The following EXOC4 variants were observed in gnomAD, a reference collection of about 807,000 sequenced individuals.
EXOC4 encodes the protein exocyst complex component 4.
Under a neutral mutation model 107.2 loss-of-function variants are expected in EXOC4, and 71 were observed. That is an observed-to-expected ratio of 0.66 (90% CI 0.55 to 0.81). The LOEUF (loss-of-function observed/expected upper bound fraction) is 0.81. EXOC4 is among the 30% of genes least tolerant of loss of function. EXOC4 has a pLI of 0.00. For synonymous variants in EXOC4, 456 were observed against 441.2 expected (o/e 1.03, Z -0.42); for missense variants, 1,108 against 1,189.6 (o/e 0.93, Z 1.01).
At chr7:133,631,457 C>T (rs950338831) in intron 10 of EXOC4, among the ~76,000 whole-genome samples, 3 of 151,842 alleles carry the variant, frequency 2.0e-5, no homozygotes, top group Admixed American at 6.6e-5. Flanking sequence ...TGTTCTAAAT[C>T]GTAGTGGATT....
chr7:133,787,951 ATATT>A (rs1796611007), intron 10 of EXOC4, among the ~76,000 whole-genome samples: 1 of 13,382 alleles, frequency 7.5e-5, no homozygotes, highest in East Asian at 9.4e-3. Flanking sequence ...CCCTGTGCAT[ATATT>A]TATATATTTA....
At chr7:133,457,873 A>G (rs563555781) in intron 7 of EXOC4, among the ~76,000 whole-genome samples, 12 of 152,310 alleles carry the variant, frequency 7.9e-5, no homozygotes, top group African/African-American at 2.6e-4. Flanking sequence ...GTACAGTAGT[A>G]GGTATAGCTT....
At chr7:133,815,015 G>A (rs1290996021) in intron 10 of EXOC4, among the ~76,000 whole-genome samples, 1 of 152,046 alleles carries the variant, frequency 6.6e-6, no homozygotes, top group Non-Finnish European at 1.5e-5. Flanking sequence ...CCTTTCCATA[G>A]CATTGTGGAA....
rs372324113 is a variant in EXOC4, at chr7:133,467,945, C to A, written c.1183-7383C>A. On this transcript the variant is annotated intron_variant, in intron 7 of 17. Coordinates refer to ENST00000253861, the MANE Select transcript of EXOC4 (RefSeq NM_021807.4). ...TTGTATTGTACTCATTCATGTGTGTCTCAATTAATAGATAAATACACTGAG... is the reference window on the plus strand; with the variant it reads ...TTGTATTGTACTCATTCATGTGTGTATCAATTAATAGATAAATACACTGAG... Among the ~76,000 whole-genome samples the A allele has an allele frequency of 3.9e-5, 6 of 151,900 alleles. No homozygotes were observed. The East Asian group carries it at 9.7e-4, about 24-fold the overall frequency.
intron 7 of EXOC4, among the ~76,000 whole-genome samples, chr7:133,454,753 C>T (rs1300619555): frequency 2.0e-5 from 3 of 152,040 alleles, no homozygotes; most frequent in Admixed American, 1.3e-4. Context: ...GTGCCAGGAC[C>T]CCCAGTGGAG....
chr7:133,937,330 T>C (rs775902366), intron 13 of EXOC4, among the ~76,000 whole-genome samples: 3 of 152,230 alleles, frequency 2.0e-5, no homozygotes, highest in Non-Finnish European at 2.9e-5. Context: ...TTAATACTTA[T>C]ACTTTATGTG....
chr7:133,684,126 G>A (rs1794244637), intron 10 of EXOC4, among the ~76,000 whole-genome samples: 2 of 152,068 alleles, frequency 1.3e-5, no homozygotes, highest in Non-Finnish European at 1.5e-5. Context: ...ACTATAACTC[G>A]TAGATCCTAC....
At chr7:133,596,321 G>T (rs923265006) in intron 9 of EXOC4, among the ~76,000 whole-genome samples, 1 of 152,118 alleles carries the variant, frequency 6.6e-6, no homozygotes, top group African/African-American at 2.4e-5. Flanking sequence ...TTGGAGAAAA[G>T]ACAAAAATAG....
chr7:133,565,737 G>GGTTTTT (rs1206398397), intron 9 of EXOC4, among the ~76,000 whole-genome samples: 4 of 151,944 alleles, frequency 2.6e-5, no homozygotes, highest in Middle Eastern at 3.2e-3. Context: ...GAATCTTCTG[G>GGTTTTT]GTTTTTGTTT....
intron 17 of EXOC4, among the ~76,000 whole-genome samples, chr7:134,017,239 AT>A (rs1794930273): frequency 6.6e-6 from 1 of 151,564 alleles, no homozygotes; most frequent in African/African-American, 2.4e-5. Context: ...TTTGGGATTA[AT>A]TTTGTAGAAG....
intron 5 of EXOC4, among the ~76,000 whole-genome samples, chr7:133,341,318 A>G (rs1795655880): frequency 6.6e-6 from 1 of 152,106 alleles, no homozygotes; most frequent in South Asian, 2.1e-4. Flanking sequence ...AGGTTATTTA[A>G]TTTCCATGTA....
At chr7:133,318,862 T>A (rs1418869622) in intron 5 of EXOC4, among the ~76,000 whole-genome samples, 1 of 152,232 alleles carries the variant, frequency 6.6e-6, no homozygotes, top group Non-Finnish European at 1.5e-5. Context: ...TCATTTATTT[T>A]TATTATGATA....
chr7:133,407,103 G>A lies in EXOC4; in HGVS notation c.1182+32101G>A, dbSNP rs549933825. Among the ~76,000 whole-genome samples the A allele has an allele frequency of 5.3e-4, 80 of 152,106 alleles. 1 individual carries two copies. In the South Asian group the frequency reaches 0.015, roughly 28 times the overall value. ...GCTTTAGCAAGAATCCTGCTGTGTC[G>A]GTTTAATCAGAATCCACCCTCCCCT... On this transcript the variant is annotated intron_variant, in intron 7 of 17. Coordinates refer to ENST00000253861, the MANE Select transcript of EXOC4 (RefSeq NM_021807.4).
At chr7:134,069,613 T>C (rs1280130947), downstream of EXOC4, among the ~76,000 whole-genome samples, 3 of 152,166 alleles carry the variant, frequency 2.0e-5, no homozygotes, top group Non-Finnish European at 4.4e-5. Context: ...TTCTCACACC[T>C]CTGCCTCTCA....
chr7:134,015,801 G>A (rs962420065), intron 17 of EXOC4, among the ~76,000 whole-genome samples: 4 of 151,762 alleles, frequency 2.6e-5, no homozygotes, highest in East Asian at 1.9e-4. Flanking sequence ...CTTGAACCTG[G>A]GAAGCGGAGG....
chr7:133,616,094 G>A (rs538806988), intron 9 of EXOC4, among the ~76,000 whole-genome samples: 77 of 152,240 alleles, frequency 5.1e-4, no homozygotes, highest in African/African-American at 1.8e-3. Context: ...CTATTTTGTA[G>A]AGGAACAGTG....
chr7:133,385,188 T>C (rs1796702008), intron 7 of EXOC4, among the ~76,000 whole-genome samples: 1 of 152,234 alleles, frequency 6.6e-6, no homozygotes, highest in South Asian at 2.1e-4. Flanking sequence ...GGGGCATTAC[T>C]TGGTATCACG....
intron 14 of EXOC4, among the ~76,000 whole-genome samples, chr7:133,951,418 G>A (rs569152754): frequency 1.2e-4 from 18 of 152,214 alleles, no homozygotes; most frequent in African/African-American, 2.4e-4. Flanking sequence ...CAGTGATCAC[G>A]TGATAAATAG....
intron 10 of EXOC4, among the ~76,000 whole-genome samples, chr7:133,700,421 G>T (rs927055713): frequency 1.1e-4 from 17 of 152,094 alleles, no homozygotes; most frequent in African/African-American, 3.9e-4. Context: ...GTTAACAAAA[G>T]AAATTGAAAA....
Sources: gnomAD v4.1 joint callset for allele counts (sites outside exome capture counted in the v4.1 genomes callset) on GRCh38, gnomAD v4.1.1 for gene constraint, MANE v1.5 for transcripts, NCBI Gene and HGNC (gene_info 2026-07-23, HGNC 2026-07-21) for gene names.